Variants in LARGE1 observed in about 807,000 individuals in gnomAD.
The protein encoded by LARGE1 is LARGE xylosyl- and glucuronyltransferase 1.
In LARGE1, 43 loss-of-function variants were observed where a neutral mutation model predicts 87.6. The ratio of observed to expected loss-of-function variants is 0.49; its 90% CI spans 0.38 to 0.63. The LOEUF is 0.63. LARGE1 is among the 30% of genes least tolerant of loss of function. The pLI is 0.00. For synonymous variants in LARGE1, 434 were observed against 394.6 expected (o/e 1.10, Z -1.18); for missense variants, 802 against 1,000.2 (o/e 0.80, Z 2.67).
In LARGE1 at chr22:33,500,287, T is replaced by C. The variant is rs939329398; in HGVS notation, c.787+64561A>G. ...CAACAGTTAGGTGCTAAGTGGGAGATGATTTTCTCAAAAGACCATTCAATT... is the reference window on the plus strand; with the variant it reads ...CAACAGTTAGGTGCTAAGTGGGAGACGATTTTCTCAAAAGACCATTCAATT... On this transcript the variant is annotated intron_variant, in intron 6 of 14. Transcript: ENST00000397394. 3.9e-5 allele frequency among the ~76,000 whole-genome samples: 6 copies of C among 152,196 alleles called. No homozygotes were observed. The East Asian group carries it at 7.7e-4, about 20-fold the overall frequency.
At chr22:33,093,182 A>T in the LARGE1 span, among the ~76,000 whole-genome samples, 2 of 152,164 alleles carry the variant, frequency 1.3e-5, no homozygotes, top group African/African-American at 4.8e-5. Context: ...TCAGAACATC[A>T]TGGGCACAGC....
intron 6 of LARGE1, among the ~76,000 whole-genome samples, chr22:33,434,301 G>C (rs964891732): frequency 6.6e-6 from 1 of 152,050 alleles, no homozygotes; most frequent in African/African-American, 2.4e-5. Context: ...GTATCCCAAG[G>C]GTCTTTTGTT....
the LARGE1 span, among the ~76,000 whole-genome samples, chr22:33,129,368 C>CA: frequency 4.0e-5 from 6 of 151,206 alleles, no homozygotes; most frequent in African/African-American, 7.3e-5. Flanking sequence ...ATAGAATACT[C>CA]AAAAAAAGAA....
chr22:33,736,354 T>C (rs1048655828), intron 2 of LARGE1, among the ~76,000 whole-genome samples: 1 of 152,224 alleles, frequency 6.6e-6, no homozygotes, highest in Non-Finnish European at 1.5e-5. Context: ...TGGTATACCA[T>C]TGTGGTTTTG....
At chr22:33,846,831 G>A (rs991324625) in intron 1 of LARGE1, among the ~76,000 whole-genome samples, 9 of 152,196 alleles carry the variant, frequency 5.9e-5, no homozygotes, top group African/African-American at 9.6e-5. Flanking sequence ...TGGTCAGACC[G>A]GTTGCTCTCA....
intron 7 of LARGE1, among the ~76,000 whole-genome samples, chr22:33,425,045 T>C (rs2066829079): frequency 6.6e-6 from 1 of 151,886 alleles, no homozygotes; most frequent in Non-Finnish European, 1.5e-5. Flanking sequence ...GGGTGGATCA[T>C]GAGGTTAGGA....
intron 1 of LARGE1, among the ~76,000 whole-genome samples, chr22:33,917,154 T>C (rs1256631829): frequency 6.6e-6 from 1 of 152,232 alleles, no homozygotes; most frequent in African/African-American, 2.4e-5. Flanking sequence ...CTGGGCCTTT[T>C]AGAATCCAGT....
At chr22:33,563,047 G>A (rs1016934826) in intron 6 of LARGE1, 2 of 152,580 alleles carry the variant, frequency 1.3e-5, no homozygotes, top group Non-Finnish European at 2.9e-5. Context: ...GATCCTGCAG[G>A]ACCTCATGTT....
intron 1 of LARGE1, among the ~76,000 whole-genome samples, chr22:33,843,468 T>TAAATAAATAAATAAAA (rs1277388830): frequency 8.7e-5 from 13 of 149,808 alleles, no homozygotes; most frequent in African/African-American, 2.7e-4. Flanking sequence ...AATAAATAAA[T>TAAATAAATAAATAAAA]AAAAATAAAA....
chr22:33,829,351 G>A (rs768640424), intron 1 of LARGE1, among the ~76,000 whole-genome samples: 17 of 151,826 alleles, frequency 1.1e-4, no homozygotes, highest in East Asian at 1.9e-4. Context: ...CACCCTTCAC[G>A]CATGGCCCAG....
chr22:33,262,477 G>A (rs1267028083), intron 11 of LARGE1, among the ~76,000 whole-genome samples: 4 of 152,148 alleles, frequency 2.6e-5, no homozygotes, highest in Non-Finnish European at 2.9e-5. Context: ...AGTGGCCCCA[G>A]ACCATTGCTC....
Position 33,681,580 on chromosome 22 carries a change from T to C in LARGE1, c.107-30912A>G, listed in dbSNP as rs544791322. ...CACATGAGAAGCAAAATTTAAGCAC[T>C]TGCTAGAATAAGTATTTCCTATACT... is the stretch of plus-strand genomic sequence containing the variant. On this transcript the variant is annotated intron_variant, in intron 2 of 14. Coordinates refer to ENST00000397394, the MANE Select transcript of LARGE1 (RefSeq NM_133642.5). Among the ~76,000 whole-genome samples, 54 of 152,334 alleles carry C rather than the reference T, an allele frequency of 3.5e-4. No homozygotes were observed. In the South Asian group the frequency reaches 0.011, roughly 32 times the overall value.
chr22:33,239,114 A>G (rs1926385899), intron 11 of LARGE1, among the ~76,000 whole-genome samples: 1 of 152,056 alleles, frequency 6.6e-6, no homozygotes, highest in South Asian at 2.1e-4. Flanking sequence ...GAATGTAAAA[A>G]AAAAAAAACC....
At chr22:33,318,293 C>A (rs1484067277) in intron 10 of LARGE1, among the ~76,000 whole-genome samples, 1 of 150,198 alleles carries the variant, frequency 6.7e-6, no homozygotes, top group African/African-American at 2.5e-5. Context: ...TCCATAAAAA[C>A]AAACTTTTAA....
chr22:33,094,601 T>C, the LARGE1 span, among the ~76,000 whole-genome samples: 7 of 152,274 alleles, frequency 4.6e-5, no homozygotes, highest in East Asian at 1.9e-4. Context: ...TTCTTTCTTT[T>C]TTTTTTTTGA....
rs147162681 is a variant in LARGE1 at position 33,670,776 on chromosome 22, G to A, written c.107-20108C>T. ...TCCAGAGTTTGAAAAATTGTACAGT[G>A]CCCAACAGGTCCATACATCCCATAA... On this transcript the variant is annotated intron_variant, in intron 2 of 14. Coordinates refer to ENST00000397394, the MANE Select transcript of LARGE1 (RefSeq NM_133642.5). Among the ~76,000 whole-genome samples, 703 of 152,294 alleles carry A rather than the reference G, an allele frequency of 4.6e-3. 1 individual carries two copies. The highest frequency in any genetic ancestry group is 7.0e-3 in the Non-Finnish European group (475 of 68,038).
intron 2 of LARGE1, among the ~76,000 whole-genome samples, chr22:33,691,173 G>A (rs552144800): frequency 4.6e-5 from 7 of 152,222 alleles, no homozygotes; most frequent in Admixed American, 1.3e-4. Flanking sequence ...ATGGCTCTGG[G>A]CAACTGTTTT....
intron 12 of LARGE1, among the ~76,000 whole-genome samples, chr22:33,294,081 G>A (rs1190245181): frequency 6.6e-6 from 1 of 152,230 alleles, no homozygotes; most frequent in South Asian, 2.1e-4. Flanking sequence ...ACTGGATGCT[G>A]GTAACCATTT....
At chr22:33,917,934 G>A (rs1401382467) in intron 1 of LARGE1, among the ~76,000 whole-genome samples, 1 of 152,012 alleles carries the variant, frequency 6.6e-6, no homozygotes, top group African/African-American at 2.4e-5. Flanking sequence ...CAGTAACATG[G>A]GCCCTGGTGT....
Sources: gnomAD v4.1 joint callset for allele counts (sites outside exome capture counted in the v4.1 genomes callset) on GRCh38, gnomAD v4.1.1 for gene constraint, MANE v1.5 for transcripts, NCBI Gene and HGNC (gene_info 2026-07-23, HGNC 2026-07-21) for gene names.